The following PRKN variants were observed in gnomAD, a reference collection of about 807,000 sequenced individuals.
PRKN encodes the protein E3 ubiquitin-protein ligase parkin.
A neutral mutation model predicts 59.5 loss-of-function variants in PRKN; 56 were observed. The ratio of observed to expected loss-of-function variants is 0.94; its 90% CI spans 0.76 to 1.18. PRKN has a LOEUF of 1.18. Ranked by LOEUF, PRKN falls within the 50% of genes most tolerant of loss-of-function variation. The probability of loss-of-function intolerance (pLI) is 0.00; values close to 1 mark genes in which losing one functional copy is unlikely to be tolerated. For synonymous variants in PRKN, 250 were observed against 222.1 expected (o/e 1.13, Z -1.12); for missense variants, 657 against 596.4 (o/e 1.10, Z -1.06).
In PRKN at chr6:162,410,228, C is replaced by T. The variant is rs1489162437; in HGVS notation, c.171+33082G>A. 3.3e-5 allele frequency among the ~76,000 whole-genome samples: 5 copies of T among 151,472 alleles called. No individual in the cohort carries two copies. In the East Asian group the frequency reaches 7.8e-4, roughly 24 times the overall value. On this transcript the variant is annotated intron_variant, in intron 2 of 11. Coordinates refer to ENST00000366898, the MANE Select transcript of PRKN (RefSeq NM_004562.3). The stretch of plus-strand genomic sequence containing the variant: ...TCTTTTTTTTTTTCCAGCTGGAGAT[C>T]AATTGGTTTGAGGACTGCTCTGGCC...
At chr6:162,650,379 CG>C (rs1228849267) in intron 1 of PRKN, among the ~76,000 whole-genome samples, 2 of 151,826 alleles carry the variant, frequency 1.3e-5, no homozygotes, top group Middle Eastern at 3.2e-3. Context: ...GGGCGGATCA[CG>C]AGGTCAGGAG....
At chr6:161,450,749 G>GTC (rs1789698740) in intron 9 of PRKN, among the ~76,000 whole-genome samples, 1 of 152,098 alleles carries the variant, frequency 6.6e-6, no homozygotes, top group African/African-American at 2.4e-5. Flanking sequence ...TAGAGACAGG[G>GTC]TTTCACTGTG....
intron 9 of PRKN, among the ~76,000 whole-genome samples, chr6:161,439,454 C>T (rs1218161559): frequency 6.6e-6 from 1 of 152,100 alleles, no homozygotes; most frequent in Admixed American, 6.5e-5. Context: ...GCAAATAGGC[C>T]GGATAAATGG....
At chr6:161,814,603 A>G (rs562272958) in intron 6 of PRKN, among the ~76,000 whole-genome samples, 13 of 152,274 alleles carry the variant, frequency 8.5e-5, no homozygotes, top group African/African-American at 2.2e-4. Context: ...CCCGGGTTCA[A>G]GCAATTCTCC....
intron 1 of PRKN, among the ~76,000 whole-genome samples, chr6:162,601,058 C>T (rs1781688120): frequency 6.6e-6 from 1 of 152,056 alleles, no homozygotes; most frequent in East Asian, 1.9e-4. Flanking sequence ...TATTGGGATC[C>T]CAGTTCTAGA....
At chr6:161,954,004 G>C (rs954752008) in intron 6 of PRKN, among the ~76,000 whole-genome samples, 5 of 152,102 alleles carry the variant, frequency 3.3e-5, no homozygotes, top group Non-Finnish European at 7.4e-5. Context: ...ACTTACGTGA[G>C]GACTGGGACA....
chr6:161,415,220 G>A (rs1260014220), intron 9 of PRKN, among the ~76,000 whole-genome samples: 1 of 152,126 alleles, frequency 6.6e-6, no homozygotes, highest in South Asian at 2.1e-4. Context: ...TACCGTGTCC[G>A]CGAGGAACCA....
chr6:162,348,147 A>T (rs1166366592), intron 2 of PRKN, among the ~76,000 whole-genome samples: 2 of 152,196 alleles, frequency 1.3e-5, no homozygotes, highest in African/African-American at 4.8e-5. Context: ...GAGGGTAAGG[A>T]ACAGTGCCTC....
At chr6:162,090,802 C>T (rs1340820459) in intron 4 of PRKN, among the ~76,000 whole-genome samples, 1 of 152,054 alleles carries the variant, frequency 6.6e-6, no homozygotes, top group Admixed American at 6.6e-5. Context: ...ATGTGTTTTT[C>T]TCTAGTGCTG....
chr6:162,589,359 AT>A (rs1192505597), intron 1 of PRKN, among the ~76,000 whole-genome samples: 1 of 152,184 alleles, frequency 6.6e-6, no homozygotes, highest in African/African-American at 2.4e-5. Flanking sequence ...TTTAAAAAAA[AT>A]AACACTGATA....
At chr6:162,565,358 A>G (rs1163039990) in intron 1 of PRKN, among the ~76,000 whole-genome samples, 1 of 152,140 alleles carries the variant, frequency 6.6e-6, no homozygotes, top group African/African-American at 2.4e-5. Context: ...GAAAACAAAT[A>G]ACAAAATGGA....
intron 1 of PRKN, among the ~76,000 whole-genome samples, chr6:162,586,473 G>A (rs1023875033): frequency 3.3e-5 from 5 of 152,118 alleles, no homozygotes; most frequent in Admixed American, 3.3e-4. Flanking sequence ...GAACACTACT[G>A]ACTGAGACAC....
At chr6:161,874,521 A>G (rs1233591623) in intron 6 of PRKN, among the ~76,000 whole-genome samples, 3 of 109,044 alleles carry the variant, frequency 2.8e-5, no homozygotes, top group Admixed American at 1.2e-4. Flanking sequence ...TAAAATATAT[A>G]TTATATGTAA....
At chr6:162,356,530 A>C (rs958556258) in intron 2 of PRKN, among the ~76,000 whole-genome samples, 3 of 139,994 alleles carry the variant, frequency 2.1e-5, no homozygotes, top group Admixed American at 2.1e-4. Flanking sequence ...TCTAATATAT[A>C]ATACATTTTT....
intron 6 of PRKN, among the ~76,000 whole-genome samples, chr6:161,811,193 G>A (rs1791543550): frequency 6.6e-6 from 1 of 152,122 alleles, no homozygotes; most frequent in Non-Finnish European, 1.5e-5. Context: ...TTCAGGACTT[G>A]CTATAATGCA....
At chr6:162,376,462 A>G (rs1786089358) in intron 2 of PRKN, among the ~76,000 whole-genome samples, 1 of 151,660 alleles carries the variant, frequency 6.6e-6, no homozygotes, top group Non-Finnish European at 1.5e-5. Flanking sequence ...AAAGCTATAC[A>G]GGGTATTCCT....
At chr6:161,651,569 C>T (rs1279249842) in intron 7 of PRKN, among the ~76,000 whole-genome samples, 1 of 152,166 alleles carries the variant, frequency 6.6e-6, no homozygotes, top group Non-Finnish European at 1.5e-5. Flanking sequence ...TTTCTCATCT[C>T]TCCAGGGGCT....
At chr6:161,739,560 A>G (rs1168988510) in intron 7 of PRKN, among the ~76,000 whole-genome samples, 1 of 152,180 alleles carries the variant, frequency 6.6e-6, no homozygotes, top group African/African-American at 2.4e-5. Flanking sequence ...AGTCGGGAAG[A>G]GTCGGCATGA....
intron 2 of PRKN, among the ~76,000 whole-genome samples, chr6:162,355,320 T>C (rs1215711472): frequency 6.6e-6 from 1 of 151,576 alleles, no homozygotes; most frequent in African/African-American, 2.4e-5. Context: ...TCACATTATC[T>C]ATTTAATTAA....
Sources: gnomAD v4.1 joint callset for allele counts (sites outside exome capture counted in the v4.1 genomes callset) on GRCh38, gnomAD v4.1.1 for gene constraint, MANE v1.5 for transcripts, NCBI Gene and HGNC (gene_info 2026-07-23, HGNC 2026-07-21) for gene names.